The following NAV1 variants were observed in gnomAD, a reference collection of about 807,000 sequenced individuals.
NAV1 encodes neuron navigator 1.
Under a neutral mutation model 175.2 loss-of-function variants are expected in NAV1, and 18 were observed. The ratio of observed to expected loss-of-function variants is 0.10; its 90% CI spans 0.07 to 0.15. The LOEUF is 0.15. NAV1 is among the 10% of genes least tolerant of loss of function. The pLI, the probability that NAV1 is intolerant of heterozygous loss-of-function variation, is 1.00. For missense variants in NAV1, 1,731 were observed against 2,436.6 expected (o/e 0.71, Z 6.10); for synonymous variants, 897 against 978.7 (o/e 0.92, Z 1.56).
exon 30 of NAV1, chr1:201,823,403 TCACA>T (rs568637987): frequency 1.3e-5 from 2 of 152,580 alleles, no homozygotes; most frequent in African/African-American, 2.4e-5. Flanking sequence ...TCTCCCTCTC[TCACA>T]CACACAAGAG....
Position 201,812,042 on chromosome 1 carries a change from A to G in NAV1, c.5024+68A>G. On this transcript the variant is annotated intron_variant, in intron 26 of 29. Coordinates refer to ENST00000367296, the Ensembl canonical transcript of NAV1. The surrounding 1 kb of genome is among the most constrained non-coding windows in gnomAD (Gnocchi z 4.6). ...GAGTCTTCAATCCTGGACTCTGGCC[A>G]GGAGGCAGTAGATAGGAGAAGGAAA... 1 of 1,423,662 alleles carries G rather than the reference A, an allele frequency of 7.0e-7. No individual in the cohort carries two copies. The highest frequency in any genetic ancestry group is 2.3e-5 in the East Asian group (1 of 43,946). The allele number at this position is 1,423,662 out of a possible 1,614,324, so 88.2% of individuals were successfully genotyped here.
chr1:201,781,423 C>T (rs1676315984), intron 5 of NAV1, 114 bp downstream of exon 9: 6 of 1,055,086 alleles, frequency 5.7e-6, no homozygotes, highest in Non-Finnish European at 5.4e-6. Flanking sequence ...AGTGCTTTAA[C>T]AGACATTATC....
rs1185444118 is a variant in NAV1 at position 201,623,508 on chromosome 1, G to A, written c.-199G>A. 6 of 986,064 alleles carry A rather than the reference G, an allele frequency of 6.1e-6. No individual in the cohort carries two copies. The African/African-American group carries it at 1.0e-4, about 17-fold the overall frequency. The allele number at this position is 986,064 out of a possible 1,614,324, so 61.1% of individuals were successfully genotyped here. On this transcript the variant is annotated 5_prime_UTR_variant, in exon 1 of 30. Transcript: ENST00000367302. ...CCTCTCCAGTCTGCAGCCCAGTGCAGGGCAAGCGCCCCTCTCCCTCTCCGG... is the reference window on the plus strand; with the variant it reads ...CCTCTCCAGTCTGCAGCCCAGTGCAAGGCAAGCGCCCCTCTCCCTCTCCGG...
chr1:201,643,333 C>T (rs1668869224), upstream of NAV1, among the ~76,000 whole-genome samples: 1 of 132,464 alleles, frequency 7.5e-6, no homozygotes. Context: ...CTTCCCTTCC[C>T]TCTCTTCTTT....
At chr1:201,729,913 AT>A (rs1219772277) in intron 3 of NAV1, among the ~76,000 whole-genome samples, 3 of 152,278 alleles carry the variant, frequency 2.0e-5, no homozygotes, top group East Asian at 1.9e-4. Context: ...TAAAAAAAAA[AT>A]AAAAGAATAA....
intron 1 of NAV1, among the ~76,000 whole-genome samples, chr1:201,562,171 A>ATTT (rs566214709): frequency 0.038 from 4,777 of 127,170 alleles, 251 homozygotes; most frequent in East Asian, 0.23. Flanking sequence ...TGCCTGGCTA[A>ATTT]TTTTTTTTTT....
intron 1 of NAV1, among the ~76,000 whole-genome samples, chr1:201,627,382 C>T (rs1190069085): frequency 2.6e-5 from 4 of 152,084 alleles, no homozygotes. Flanking sequence ...AAGCGATCCT[C>T]CTGCCTCAGC....
At chr1:201,825,660 C>CTGTT (rs909137534) in exon 30 of NAV1, 12 of 152,254 alleles carry the variant, frequency 7.9e-5, no homozygotes, top group Middle Eastern at 3.4e-3. Flanking sequence ...TTGTTGTTTT[C>CTGTT]TGTTTGTTTG....
chr1:201,689,421 T>C (rs534863522), intron 1 of NAV1, among the ~76,000 whole-genome samples: 1 of 152,298 alleles, frequency 6.6e-6, no homozygotes, highest in East Asian at 1.9e-4. Context: ...CAAGGATACA[T>C]CCATTGTGTA....
chr1:201,652,017 C>A (rs764801969), intron 1 of NAV1, among the ~76,000 whole-genome samples: 11 of 152,010 alleles, frequency 7.2e-5, no homozygotes, highest in Non-Finnish European at 1.3e-4. Flanking sequence ...GGGAGAGGAA[C>A]TACAGAGGGA....
At position 201,810,677 on chromosome 1, in the gene NAV1, C is replaced by G. The variant is rs200692891; in HGVS notation, c.4716C>G (p.Ala1572=). The change falls in exon 24 of 30, where the codon GCC becomes GCG. Residue 1572 remains alanine, a synonymous_variant. Coordinates refer to ENST00000367296, the Ensembl canonical transcript of NAV1. This position sits in a 1 kb window ranked among gnomAD's most constrained non-coding sequence, Gnocchi z 6.0. Reference sequence around the variant, plus strand: ...AGACCTACCTGACCAATCGCTTGGCCGAGTACCTGGTGGAGCGCTCTGGCC... The same window carrying G: ...AGACCTACCTGACCAATCGCTTGGCGGAGTACCTGGTGGAGCGCTCTGGCC... 8 of 1,614,148 alleles carry G rather than the reference C, an allele frequency of 5.0e-6. No individual in the cohort carries two copies. Among genetic ancestry groups the G allele is most frequent in the Non-Finnish European group, 6.8e-6 (8 of 1,180,022 alleles).
Position 201,718,364 on chromosome 1 carries a change from AGTAGT to A in NAV1, c.861-24_861-20del. ...CACACGGCGGCTGTGCCAAGGACTA[AGTAGT>A]GCCTTCTGCTCTCCACCCAGCTCCC... On this transcript the variant is annotated intron_variant, in intron 2 of 29. Coordinates refer to ENST00000367296, the Ensembl canonical transcript of NAV1. This position sits in a 1 kb window ranked among gnomAD's most constrained non-coding sequence, Gnocchi z 4.8. 1 of 1,514,934 alleles carries A rather than the reference AGTAGT, an allele frequency of 6.6e-7. No homozygotes were observed. The highest frequency in any genetic ancestry group is 1.3e-5 in the South Asian group (1 of 75,898). 93.8% of individuals were successfully genotyped at this position (1,514,934 alleles called of 1,614,324 possible).
chr1:201,765,924 A>G (rs1156918592), intron 3 of NAV1, among the ~76,000 whole-genome samples: 2 of 152,236 alleles, frequency 1.3e-5, no homozygotes, highest in African/African-American at 2.4e-5. Flanking sequence ...TAGCTTCAGC[A>G]TTTGAGAATT....
chr1:201,719,583 T>G (rs1478859323), intron 3 of NAV1: 1 of 153,232 alleles, frequency 6.5e-6, no homozygotes, highest in Non-Finnish European at 1.5e-5. Context: ...GAAGAGAGGA[T>G]AGGAAGAATG....
At chr1:201,667,617 C>A (rs1669878690) in intron 1 of NAV1, among the ~76,000 whole-genome samples, 1 of 152,202 alleles carries the variant, frequency 6.6e-6, no homozygotes, top group South Asian at 2.1e-4. Flanking sequence ...GGATGCGCTG[C>A]CTATCACAGT....
intron 3 of NAV1, among the ~76,000 whole-genome samples, chr1:201,758,331 A>G (rs1297044389): frequency 1.3e-5 from 2 of 152,170 alleles, no homozygotes; most frequent in Non-Finnish European, 2.9e-5. Flanking sequence ...TTTGGTGGTG[A>G]TCATATTTAA....
chr1:201,566,434 C>T (rs1349045940), intron 1 of NAV1, among the ~76,000 whole-genome samples: 1 of 152,124 alleles, frequency 6.6e-6, no homozygotes, highest in African/African-American at 2.4e-5. Flanking sequence ...ACAGGCCTTT[C>T]TCCCCTCCCT....
chr1:201,762,650 C>A (rs904016143), intron 3 of NAV1, among the ~76,000 whole-genome samples: 9 of 152,328 alleles, frequency 5.9e-5, no homozygotes, highest in Admixed American at 5.9e-4. Flanking sequence ...GACTTTATGG[C>A]CTGCAAAGCC....
At chr1:201,712,167 T>C (rs781034870) in intron 1 of NAV1, among the ~76,000 whole-genome samples, 16 of 152,280 alleles carry the variant, frequency 1.1e-4, no homozygotes, top group South Asian at 6.2e-4. Context: ...AGACTATATC[T>C]GAACTAACTT....
Sources: allele counts gnomAD v4.1 joint callset (sites outside exome capture counted in the v4.1 genomes callset), GRCh38; gene constraint gnomAD v4.1.1; non-coding constraint Gnocchi (gnomAD v3.1); transcripts MANE v1.5; gene names NCBI Gene and HGNC (gene_info 2026-07-23, HGNC 2026-07-21).